The following RGS7 variants were observed in gnomAD, a reference collection of about 807,000 sequenced individuals.
RGS7 encodes the protein regulator of G protein signaling 7.
Under a neutral mutation model 81.1 loss-of-function variants are expected in RGS7, and 27 were observed. The observed-to-expected ratio is 0.33, with a 90% CI of 0.25 to 0.46. The LOEUF (loss-of-function observed/expected upper bound fraction) is 0.46. Among genes scored for constraint, RGS7 ranks in the 20% least tolerant of loss-of-function variants. The pLI is 1.00. For synonymous variants in RGS7, 208 were observed against 207.7 expected (o/e 1.00, Z -0.01); for missense variants, 396 against 607.4 (o/e 0.65, Z 3.66).
chr1:241,221,327 C>T (rs2074999400), intron 2 of RGS7, among the ~76,000 whole-genome samples: 1 of 152,118 alleles, frequency 6.6e-6, no homozygotes, highest in South Asian at 2.1e-4. Context: ...TTTATGTCTC[C>T]ATGTCTTAAA....
chr1:240,788,492 A>C lies in RGS7; in HGVS notation c.*6+12149T>G, dbSNP rs115929983. On this transcript the variant is annotated intron_variant, in intron 18 of 18. Coordinates refer to ENST00000440928, the MANE Select transcript of RGS7 (RefSeq NM_001364886.1). ...TGGTCTTAAAATCAGCAGCATCAGC[A>C]TCACTGAGAATTGGTTAAACATGAA... 8.4e-3 allele frequency among the ~76,000 whole-genome samples: 1,287 copies of C among 152,314 alleles called. 18 individuals are homozygous for C. Among genetic ancestry groups the C allele is most frequent in the African/African-American group, 0.028 (1,157 of 41,570 alleles).
intron 2 of RGS7, among the ~76,000 whole-genome samples, chr1:241,351,108 G>A (rs1291998611): frequency 6.6e-6 from 1 of 152,164 alleles, no homozygotes; most frequent in Non-Finnish European, 1.5e-5. Context: ...CAGTGGTCTT[G>A]TCTTGCTCTT....
Position 241,111,036 on chromosome 1 carries a change from C to G in RGS7, c.79-12274G>C, listed in dbSNP as rs548357404. 5.3e-5 allele frequency among the ~76,000 whole-genome samples: 8 copies of G among 152,236 alleles called. No individual in the cohort carries two copies. In the East Asian group the frequency reaches 1.5e-3, roughly 29 times the overall value. On this transcript the variant is annotated intron_variant, in intron 2 of 18. Coordinates refer to ENST00000440928, the MANE Select transcript of RGS7 (RefSeq NM_001364886.1). Reference sequence around the variant, plus strand: ...CTAAAGGAAAGGGGTCTCACAATACCTCCACGGAGTATAATAGATTTAAAA... The same window carrying G: ...CTAAAGGAAAGGGGTCTCACAATACGTCCACGGAGTATAATAGATTTAAAA...
intron 2 of RGS7, among the ~76,000 whole-genome samples, chr1:241,185,405 A>G (rs1043769522): frequency 5.3e-5 from 8 of 152,210 alleles, no homozygotes; most frequent in African/African-American, 1.7e-4. Context: ...GGAGATTTCA[A>G]TTTCAACCAC....
At chr1:241,156,139 T>C (rs1289479104) in intron 2 of RGS7, among the ~76,000 whole-genome samples, 1 of 127,030 alleles carries the variant, frequency 7.9e-6, no homozygotes, top group Admixed American at 8.7e-5. Context: ...TGATGATAGA[T>C]AGATAGATAG....
chr1:240,798,587 C>G (rs1018063305), intron 18 of RGS7, among the ~76,000 whole-genome samples: 1 of 152,160 alleles, frequency 6.6e-6, no homozygotes. Flanking sequence ...AGTCCCAGCT[C>G]CTTCCCTAAC....
intron 2 of RGS7, among the ~76,000 whole-genome samples, chr1:241,221,306 G>C (rs564802005): frequency 1.3e-5 from 2 of 152,180 alleles, no homozygotes; most frequent in Non-Finnish European, 2.9e-5. Context: ...ATCATTTAAT[G>C]AGAGCAAATA....
chr1:241,259,667 A>AAAAAAAAAAAAAAAAAATATATATAT, intron 2 of RGS7, among the ~76,000 whole-genome samples: 2 of 49,146 alleles, frequency 4.1e-5, no homozygotes, highest in African/African-American at 8.0e-5. Context: ...AAAAAAAAAA[A>AAAAAAAAAAAAAAAAAATATATATAT]ATATATATAT....
intron 2 of RGS7, among the ~76,000 whole-genome samples, chr1:241,284,401 G>C (rs545480082): frequency 1.3e-4 from 20 of 152,004 alleles, no homozygotes; most frequent in Admixed American, 3.3e-4. Context: ...GTGTTTGGCA[G>C]GGGGGGTTGT....
chr1:241,249,233 T>A (rs2076712727), intron 2 of RGS7, among the ~76,000 whole-genome samples: 1 of 152,150 alleles, frequency 6.6e-6, no homozygotes, highest in Admixed American at 6.5e-5. Flanking sequence ...AGTTTTATAG[T>A]TTCAGGTTTC....
chr1:241,348,488 G>T (rs575695871), intron 2 of RGS7, among the ~76,000 whole-genome samples: 1 of 152,208 alleles, frequency 6.6e-6, no homozygotes, highest in Non-Finnish European at 1.5e-5. Flanking sequence ...CAAACACAAA[G>T]TCTTAGTGGA....
At chr1:240,873,910 T>C (rs1664914304) in intron 6 of RGS7, among the ~76,000 whole-genome samples, 1 of 152,194 alleles carries the variant, frequency 6.6e-6, no homozygotes, top group Non-Finnish European at 1.5e-5. Context: ...TGTGGCTAAT[T>C]CTTCTCTTGT....
chr1:241,149,679 A>AT (rs1387919886), intron 2 of RGS7, among the ~76,000 whole-genome samples: 2 of 152,244 alleles, frequency 1.3e-5, no homozygotes, highest in African/African-American at 4.8e-5. Flanking sequence ...ATGTCAAGCA[A>AT]TAAATGTTTT....
At chr1:240,865,121 T>C (rs1463372524) in intron 9 of RGS7, among the ~76,000 whole-genome samples, 3 of 152,182 alleles carry the variant, frequency 2.0e-5, no homozygotes, top group Non-Finnish European at 4.4e-5. Flanking sequence ...GCAAGGTAGG[T>C]AGATATATTT....
intron 2 of RGS7, among the ~76,000 whole-genome samples, chr1:241,323,188 T>C (rs1323379037): frequency 6.6e-6 from 1 of 152,258 alleles, no homozygotes; most frequent in Non-Finnish European, 1.5e-5. Context: ...TCTGATTTTG[T>C]GATAATAGAA....
intron 9 of RGS7, among the ~76,000 whole-genome samples, chr1:240,843,496 C>T (rs1210622771): frequency 1.3e-5 from 2 of 152,100 alleles, no homozygotes; most frequent in Non-Finnish European, 2.9e-5. Flanking sequence ...CAACTCCTGA[C>T]CTCAAGTGAT....
chr1:241,262,646 C>T (rs768640055), intron 2 of RGS7, among the ~76,000 whole-genome samples: 21 of 152,092 alleles, frequency 1.4e-4, no homozygotes, highest in Non-Finnish European at 2.6e-4. Context: ...ATTATAAAAT[C>T]GCAGAGTTTA....
chr1:240,819,379 A>C (rs1691373268), intron 10 of RGS7, among the ~76,000 whole-genome samples: 1 of 152,228 alleles, frequency 6.6e-6, no homozygotes, highest in African/African-American at 2.4e-5. Flanking sequence ...ATGATCTATA[A>C]GTTATCTTTT....
chr1:241,322,092 T>G (rs1389650725), intron 2 of RGS7, among the ~76,000 whole-genome samples: 1 of 152,126 alleles, frequency 6.6e-6, no homozygotes, highest in Non-Finnish European at 1.5e-5. Flanking sequence ...TCAGAAGCCC[T>G]CCTCTCTGAA....
Sources: gnomAD v4.1 joint callset for allele counts (sites outside exome capture counted in the v4.1 genomes callset) on GRCh38, gnomAD v4.1.1 for gene constraint, MANE v1.5 for transcripts, NCBI Gene and HGNC (gene_info 2026-07-23, HGNC 2026-07-21) for gene names.